NR3C2: variants seen among roughly 807,000 people sequenced by gnomAD.
NR3C2 encodes mineralocorticoid receptor.
In NR3C2, 15 loss-of-function variants were observed where a neutral mutation model predicts 86.4. That is an observed-to-expected ratio of 0.17 (90% CI 0.12 to 0.27). The LOEUF is 0.27. Among genes scored for constraint, NR3C2 ranks in the 10% least tolerant of loss-of-function variants. NR3C2 has a pLI of 1.00. For missense variants in NR3C2, 960 were observed against 1,195.6 expected (o/e 0.80, Z 2.91); for synonymous variants, 458 against 450.5 (o/e 1.02, Z -0.21).
At chr4:148,300,847 C>T (rs1291014367) in intron 2 of NR3C2, among the ~76,000 whole-genome samples, 4 of 152,182 alleles carry the variant, frequency 2.6e-5, no homozygotes, top group Non-Finnish European at 4.4e-5. Context: ...GTTGGGATTA[C>T]AGGCATGAGC....
At chr4:148,091,707 C>G (rs1250402385) in intron 8 of NR3C2, among the ~76,000 whole-genome samples, 3 of 152,188 alleles carry the variant, frequency 2.0e-5, no homozygotes, top group Admixed American at 2.0e-4. Context: ...AATATGCAGA[C>G]TTGGCCCTTG....
chr4:148,206,131 G>C (rs1736991901), intron 3 of NR3C2, among the ~76,000 whole-genome samples: 3 of 152,160 alleles, frequency 2.0e-5, no homozygotes. Flanking sequence ...GTGAAGCTCA[G>C]AATCCAGATG....
At chr4:148,134,850 T>C (rs1733224231) in intron 6 of NR3C2, among the ~76,000 whole-genome samples, 1 of 151,142 alleles carries the variant, frequency 6.6e-6, no homozygotes, top group Non-Finnish European at 1.5e-5. Flanking sequence ...AGAGATGGGG[T>C]TTCCGCATGT....
At chr4:148,300,524 T>C (rs377472678) in intron 2 of NR3C2, among the ~76,000 whole-genome samples, 1 of 152,330 alleles carries the variant, frequency 6.6e-6, no homozygotes, top group Non-Finnish European at 1.5e-5. Context: ...TGGATTTTCT[T>C]TTTTTGGAGA....
At position 148,164,565 on chromosome 4, in the gene NR3C2, C is replaced by T. The variant is rs139781318; in HGVS notation, c.2015-9664G>A. Among the ~76,000 whole-genome samples the T allele has an allele frequency of 1.9e-4, 29 of 152,258 alleles. No individual in the cohort carries two copies. The East Asian group carries it at 5.0e-3, about 26-fold the overall frequency. On this transcript the variant is annotated intron_variant, in intron 4 of 8. Transcript: ENST00000358102. ...AAAACCTCTAAGTAGTTTTATAATACATTTAAAATAAGAAAAATAGCACTA... is the reference window on the plus strand; with the variant it reads ...AAAACCTCTAAGTAGTTTTATAATATATTTAAAATAAGAAAAATAGCACTA...
intron 2 of NR3C2, among the ~76,000 whole-genome samples, chr4:148,266,207 G>A (rs1424901725): frequency 1.3e-5 from 2 of 151,934 alleles, no homozygotes; most frequent in African/African-American, 4.8e-5. Flanking sequence ...AGAGTAGCTG[G>A]GACTACAGGT....
At chr4:148,324,482 A>C (rs1298571988) in intron 2 of NR3C2, among the ~76,000 whole-genome samples, 2 of 152,074 alleles carry the variant, frequency 1.3e-5, no homozygotes, top group African/African-American at 4.8e-5. Flanking sequence ...AATGCTGCAA[A>C]CTCAGAGAGG....
At position 148,154,721 on chromosome 4, in the gene NR3C2, C is replaced by T. The variant is rs556381811; in HGVS notation, c.2195G>A (p.Arg732Gln). 8.7e-6 allele frequency: 14 copies of T among 1,604,340 alleles called. No individual in the cohort carries two copies. Among genetic ancestry groups the T allele is most frequent in the Middle Eastern group, 3.3e-4 (2 of 6,016 alleles). Residue 732 changes from arginine (R) to glutamine (Q), a missense_variant, in exon 5 of 9, where the codon CGA becomes CAA. Transcript: ENST00000358102. ...CATAACGGGGGAAGGTGTGAGCGCT[C>T]GTGAGATTGTGGAGAGCTGAGGAAC... ...ALVPQLSTISRALTPSPVMVL... is the reference protein window; with the variant it reads ...ALVPQLSTISQALTPSPVMVL...
chr4:148,225,246 T>C (rs945189722), intron 3 of NR3C2, among the ~76,000 whole-genome samples: 4 of 152,150 alleles, frequency 2.6e-5, no homozygotes, highest in African/African-American at 9.7e-5. Flanking sequence ...CTGGCTGGAC[T>C]ATAGGAAACA....
chr4:148,105,681 G>C (rs1020965613), intron 8 of NR3C2, among the ~76,000 whole-genome samples: 1 of 152,054 alleles, frequency 6.6e-6, no homozygotes, highest in Non-Finnish European at 1.5e-5. Flanking sequence ...TATCCACCAC[G>C]ATCAAGTTGG....
chr4:148,356,899 CTGTG>C (rs67285458), intron 2 of NR3C2, among the ~76,000 whole-genome samples: 2,019 of 149,036 alleles, frequency 0.014, 19 homozygotes, highest in Non-Finnish European at 0.015. Flanking sequence ...CTAAGCACGA[CTGTG>C]TGTGTGTGTG....
At chr4:148,375,690 T>G (rs1026830974) in intron 2 of NR3C2, among the ~76,000 whole-genome samples, 6 of 152,136 alleles carry the variant, frequency 3.9e-5, no homozygotes, top group African/African-American at 1.4e-4. Context: ...AAATACAAAA[T>G]TTCCAAGCTT....
chr4:148,135,774 C>T (rs1043547899), intron 6 of NR3C2, among the ~76,000 whole-genome samples: 2 of 151,856 alleles, frequency 1.3e-5, no homozygotes, highest in African/African-American at 2.4e-5. Flanking sequence ...ACAACAAAAA[C>T]GGCCGGGCGC....
chr4:148,089,029 CTA>C (rs1730945264), intron 8 of NR3C2, among the ~76,000 whole-genome samples: 1 of 152,142 alleles, frequency 6.6e-6, no homozygotes, highest in Non-Finnish European at 1.5e-5. Context: ...CAAAATAACT[CTA>C]TAGTTTAATA....
intron 3 of NR3C2, among the ~76,000 whole-genome samples, chr4:148,203,268 G>A (rs923443507): frequency 1.4e-4 from 21 of 151,534 alleles, no homozygotes; most frequent in African/African-American, 4.1e-4. Context: ...TAACTACCCC[G>A]GTCGATACTC....
At chr4:148,438,858 G>A (rs962947242) in intron 1 of NR3C2, among the ~76,000 whole-genome samples, 2 of 152,074 alleles carry the variant, frequency 1.3e-5, no homozygotes, top group Non-Finnish European at 2.9e-5. Context: ...TTTCACTACA[G>A]TATCCCAAGT....
intron 8 of NR3C2, among the ~76,000 whole-genome samples, chr4:148,086,062 G>C (rs986218422): frequency 1.3e-5 from 2 of 152,134 alleles, no homozygotes; most frequent in Non-Finnish European, 2.9e-5. Flanking sequence ...AAGAGGAGCT[G>C]GTACCATTCC....
intron 3 of NR3C2, among the ~76,000 whole-genome samples, chr4:148,231,684 T>C (rs753651827): frequency 2.6e-5 from 4 of 152,128 alleles, no homozygotes; most frequent in Non-Finnish European, 4.4e-5. Flanking sequence ...AAGACAACAA[T>C]GAAGTTTGCT....
At chr4:148,152,283 G>A in intron 6 of NR3C2, 186 bp downstream of exon 6, 1 of 582,044 alleles carries the variant, frequency 1.7e-6, no homozygotes, top group Non-Finnish European at 3.0e-6. Context: ...ACACTCAGAA[G>A]CATACAGTAT....
Sources: gnomAD v4.1 joint callset for allele counts (sites outside exome capture counted in the v4.1 genomes callset) on GRCh38, gnomAD v4.1.1 for gene constraint, MANE v1.5 for transcripts, NCBI Gene and HGNC (gene_info 2026-07-23, HGNC 2026-07-21) for gene names.